DYNC1H1: variants seen among roughly 807,000 people sequenced by gnomAD.
DYNC1H1 encodes dynein cytoplasmic 1 heavy chain 1.
A neutral mutation model predicts 527.1 loss-of-function variants in DYNC1H1; 51 were observed. That is an observed-to-expected ratio of 0.10 (90% CI 0.08 to 0.12). The LOEUF (loss-of-function observed/expected upper bound fraction) is 0.12, where lower values mean the gene tolerates loss of function less well. Ranked by LOEUF, DYNC1H1 falls within the 10% of genes least tolerant of loss-of-function variation. The pLI is 1.00. For synonymous variants in DYNC1H1, 2,189 were observed against 2,278.8 expected (o/e 0.96, Z 1.12); for missense variants, 2,771 against 5,971.8 (o/e 0.46, Z 17.66).
intron 51 of DYNC1H1, chr14:102,030,497 A>G (rs1164363191): frequency 4.9e-6 from 3 of 609,998 alleles, no homozygotes; most frequent in African/African-American, 3.7e-5. Flanking sequence ...TGTATTTACC[A>G]TAGTGAAACC....
In DYNC1H1 at chr14:101,986,654, A is replaced by G; in HGVS notation, c.2429A>G (p.Lys810Arg). The change falls in exon 8 of 78, where the codon AAG becomes AGG. Residue 810 changes from lysine (K) to arginine (R), a missense_variant. By Grantham distance (26) the Lys-to-Arg change is conservative. Coordinates refer to ENST00000360184, the MANE Select transcript of DYNC1H1 (RefSeq NM_001376.5). This position sits in a 1 kb window ranked among gnomAD's most constrained non-coding sequence, Gnocchi z 8.7. The part of the protein sequence containing the change: ...TISLLVAGLK[K>R]EVQALIAEGI... ...TCCCTTTTGGTGGCTGGCTTGAAAA[A>G]GGAAGTGCAGGCCCTGATCGCAGAA... is the stretch of plus-strand genomic sequence containing the variant. The G allele has an allele frequency of 2.5e-6, 4 of 1,613,156 alleles. No homozygotes were observed. The highest frequency in any genetic ancestry group is 3.4e-6 in the Non-Finnish European group (4 of 1,179,122).
chr14:101,989,221 C>T (rs1051127276), intron 10 of DYNC1H1, among the ~76,000 whole-genome samples: 1 of 152,152 alleles, frequency 6.6e-6, no homozygotes, highest in African/African-American at 2.4e-5. Flanking sequence ...AGGAAAAAAA[C>T]TACACTGGAA....
Position 102,012,511 on chromosome 14 carries a change from T to G in DYNC1H1, c.7014+41T>G. 1.9e-6 allele frequency: 3 copies of G among 1,614,034 alleles called. No homozygotes were observed. The highest frequency in any genetic ancestry group is 2.5e-6 in the Non-Finnish European group (3 of 1,179,998). ...TATGTCGTCAACTGAATAATTCCTT[T>G]TGGCCAACTAAACTTCGTGTGCTAG... On this transcript the variant is annotated intron_variant, in intron 34 of 77. Coordinates refer to ENST00000360184, the MANE Select transcript of DYNC1H1 (RefSeq NM_001376.5). The surrounding 1 kb of genome is among the most constrained non-coding windows in gnomAD (Gnocchi z 4.9).
Position 102,018,024 on chromosome 14 carries a change from T to C in DYNC1H1, c.8178-427T>C. On this transcript the variant is annotated intron_variant, in intron 40 of 77. Transcript: ENST00000360184. This position sits in a 1 kb window ranked among gnomAD's most constrained non-coding sequence, Gnocchi z 5.2. Reference sequence around the variant, plus strand: ...GGGAGGCTGAGGCAGCAGAATGGTGTGAACCTGGGAGGTGGAGCTTGCAGT... The same window carrying C: ...GGGAGGCTGAGGCAGCAGAATGGTGCGAACCTGGGAGGTGGAGCTTGCAGT... 1.2e-5 allele frequency: 3 copies of C among 259,006 alleles called. No individual in the cohort carries two copies. The South Asian group carries it at 1.4e-4, about 12-fold the overall frequency. 16.0% of individuals were successfully genotyped at this position (259,006 alleles called of 1,614,324 possible).
chr14:101,975,608 A>G, intron 1 of DYNC1H1, 104 bp from the exon 2 acceptor site: 2 of 1,037,534 alleles, frequency 1.9e-6, no homozygotes, highest in Non-Finnish European at 3.0e-6. Flanking sequence ...AGGTGTCGAT[A>G]TGTCAGGCTG....
chr14:101,980,036 T>C, intron 4 of DYNC1H1, 62 bp downstream of exon 4: 1 of 1,610,790 alleles, frequency 6.2e-7, no homozygotes, highest in Non-Finnish European at 8.5e-7. Flanking sequence ...TTGGGAAAAC[T>C]GATCTGGATT....
chr14:101,981,765 TC>T (rs2047867585), intron 5 of DYNC1H1, among the ~76,000 whole-genome samples: 1 of 152,246 alleles, frequency 6.6e-6, no homozygotes, highest in African/African-American at 2.4e-5. Context: ...TTTGTTTTTT[TC>T]CTAATACTTT....
At position 101,988,721 on chromosome 14, in the gene DYNC1H1, G is replaced by A. The variant is rs372740994; in HGVS notation, c.2737G>A (p.Val913Ile). Reference sequence around the variant, plus strand: ...TCTGTAGATTGAAAGAATATTGGGCGTCCGTCTGCAAGCTGGCCTGAGAGC... The same window carrying A: ...TCTGTAGATTGAAAGAATATTGGGCATCCGTCTGCAAGCTGGCCTGAGAGC... ...LDMEIERILGVRLQAGLRAWT... is the reference protein window; with the variant it reads ...LDMEIERILGIRLQAGLRAWT... The change falls in exon 10 of 78, where the codon GTC becomes ATC. Residue 913 changes from valine to isoleucine, a missense_variant. Coordinates refer to ENST00000360184, the MANE Select transcript of DYNC1H1 (RefSeq NM_001376.5). 76 of 1,614,010 alleles carry A rather than the reference G, an allele frequency of 4.7e-5. No homozygotes were observed. The highest frequency in any genetic ancestry group is 5.7e-5 in the Non-Finnish European group (67 of 1,180,042).
rs1307030683 is a variant in DYNC1H1, at chr14:102,044,353, G to A, written c.12764G>A (p.Arg4255His). The change falls in exon 71 of 78, where the codon CGC (arginine) becomes CAC (histidine). Residue 4255 changes from arginine to histidine, a missense_variant. By Grantham distance (29) the Arg-to-His change is conservative. Transcript: ENST00000360184. The surrounding 1 kb of genome is among the most constrained non-coding windows in gnomAD (Gnocchi z 7.1). ...TLMAQSIYGGRVDNEFDQRLL... is the reference protein window; with the variant it reads ...TLMAQSIYGGHVDNEFDQRLL... ...ATGGCCCAGTCCATTTATGGCGGGC[G>A]CGTGGACAACGAGTTTGACCAGCGT... The A allele has an allele frequency of 2.5e-6, 4 of 1,613,716 alleles. No homozygotes were observed. Among genetic ancestry groups the A allele is most frequent in the East Asian group, 2.2e-5 (1 of 44,880 alleles).
At chr14:101,982,452 C>T (rs1668899372) in intron 5 of DYNC1H1, among the ~76,000 whole-genome samples, 1 of 151,908 alleles carries the variant, frequency 6.6e-6, no homozygotes, top group African/African-American at 2.4e-5. Context: ...ATTAGCCGGG[C>T]GTGGTGGCAG....
In DYNC1H1 at chr14:101,965,921, T is replaced by TA. The variant is rs1482407819; in HGVS notation, c.256+975dup. Among the ~76,000 whole-genome samples the TA allele has an allele frequency of 3.3e-5, 5 of 152,208 alleles. No individual in the cohort carries two copies. The South Asian group carries it at 1.0e-3, about 32-fold the overall frequency. ...AATAATGATCGCCCACCAGCAAGGT[T>TA]ACATTCATCTAAGTCTGGGGCTTGC... On this transcript the variant is annotated intron_variant, in intron 1 of 77. Coordinates refer to ENST00000360184, the MANE Select transcript of DYNC1H1 (RefSeq NM_001376.5). The surrounding 1 kb of genome is among the most constrained non-coding windows in gnomAD (Gnocchi z 4.1).
intron 72 of DYNC1H1, chr14:102,045,043 C>T (rs1406434109): frequency 2.9e-6 from 1 of 348,394 alleles, no homozygotes; most frequent in Non-Finnish European, 5.5e-6. Context: ...TGGCTCACAC[C>T]TATAATCCCA....
intron 51 of DYNC1H1, 61 bp from the exon 52 acceptor site, chr14:102,032,211 A>G (rs1269769991): frequency 6.2e-7 from 1 of 1,606,730 alleles, no homozygotes; most frequent in Non-Finnish European, 8.5e-7. Flanking sequence ...GTTCATTCTC[A>G]CCATGCTTTG....
chr14:102,005,943 T>C lies in DYNC1H1; in HGVS notation c.5489T>C (p.Ile1830Thr), dbSNP rs529978859. ...ACAAGGTCCTTGATCAAAAGCAAGA[T>C]TGACAACGCCAAATCTTTTGAATGG... Reference protein sequence around the residue: ...DVTRSLIKSKIDNAKSFEWLS... With the variant: ...DVTRSLIKSKTDNAKSFEWLS... The change falls in exon 27 of 78, where the codon ATT becomes ACT. Residue 1830 changes from isoleucine (I) to threonine (T), a missense_variant. Ile to Thr is a moderately conservative substitution (Grantham distance 89). Transcript: ENST00000360184. This position sits in a 1 kb window ranked among gnomAD's most constrained non-coding sequence, Gnocchi z 4.0. The C allele has an allele frequency of 1.2e-6, 2 of 1,614,268 alleles. No homozygotes were observed. Among genetic ancestry groups the C allele is most frequent in the East Asian group, 2.2e-5 (1 of 44,888 alleles).
chr14:102,024,331 G>A (rs904433007), intron 43 of DYNC1H1, among the ~76,000 whole-genome samples: 1 of 152,202 alleles, frequency 6.6e-6, no homozygotes, highest in Non-Finnish European at 1.5e-5. Context: ...ATTTCATTGA[G>A]GAGCCCCAGG....
Position 101,997,693 on chromosome 14 carries a change from G to A in DYNC1H1, c.3804+419G>A, listed in dbSNP as rs1203219048. Among the ~76,000 whole-genome samples, 5 of 152,134 alleles carry A rather than the reference G, an allele frequency of 3.3e-5. No individual in the cohort carries two copies. The highest frequency in any genetic ancestry group is 1.2e-4 in the African/African-American group (5 of 41,414). On this transcript the variant is annotated intron_variant, in intron 16 of 77. Transcript: ENST00000360184. This position sits in a 1 kb window ranked among gnomAD's most constrained non-coding sequence, Gnocchi z 4.8. Reference sequence around the variant, plus strand: ...AGGTTCTGTTGTCTTCGTCATTGTAGCCATTTAAACCTTCCACCACCCAGA... The same window carrying A: ...AGGTTCTGTTGTCTTCGTCATTGTAACCATTTAAACCTTCCACCACCCAGA...
chr14:101,969,777 T>G (rs79048216), intron 1 of DYNC1H1, among the ~76,000 whole-genome samples: 161 of 152,378 alleles, frequency 1.1e-3, no homozygotes, highest in Admixed American at 2.1e-3. Context: ...TGTAGCATAG[T>G]AAACGAAATT....
Position 102,011,877 on chromosome 14 carries a change from T to G in DYNC1H1, c.6621T>G (p.Val2207=), listed in dbSNP as rs776687845. The change falls in exon 33 of 78, where the codon GTT becomes GTG. Residue 2207 remains valine, a splice_region_variant and synonymous_variant. Transcript: ENST00000360184. This position sits in a 1 kb window ranked among gnomAD's most constrained non-coding sequence, Gnocchi z 5.3. The part of the protein sequence containing the change: ...EEVGGMWVEK[V]LQLYQITQIN... ...TGCTGGTCTGTTGGGCCCTGCAGGT[T>G]CTCCAGCTCTATCAGATCACCCAGA... 2 of 1,614,126 alleles carry G rather than the reference T, an allele frequency of 1.2e-6. No individual in the cohort carries two copies. The highest frequency in any genetic ancestry group is 1.3e-5 in the African/African-American group (1 of 75,036).
chr14:102,042,526 G>A lies in DYNC1H1; in HGVS notation c.12399+19G>A, dbSNP rs1161225574. ...CCCCAAGGTGGGTGGTTGAAGGAGT[G>A]GAGACGTTGCAGGCTGGCCTGGCAC... On this transcript the variant is annotated intron_variant, in intron 68 of 77. Coordinates refer to ENST00000360184, the MANE Select transcript of DYNC1H1 (RefSeq NM_001376.5). This position sits in a 1 kb window ranked among gnomAD's most constrained non-coding sequence, Gnocchi z 5.7. 3 of 1,613,970 alleles carry A rather than the reference G, an allele frequency of 1.9e-6. No homozygotes were observed. In the East Asian group the frequency reaches 6.7e-5, roughly 36 times the overall value.
Sources: gnomAD v4.1 joint callset for allele counts (sites outside exome capture counted in the v4.1 genomes callset) on GRCh38, gnomAD v4.1.1 for gene constraint, Gnocchi (gnomAD v3.1) non-coding constraint, MANE v1.5 for transcripts, NCBI Gene and HGNC (gene_info 2026-07-23, HGNC 2026-07-21) for gene names.